Variants in MTHFD1 observed in about 807,000 individuals in gnomAD.
MTHFD1 encodes methylenetetrahydrofolate dehydrogenase, cyclohydrolase and formyltetrahydrofolate synthetase 1.
MTHFD1 carries 44 observed loss-of-function variants against 110.3 expected under a neutral mutation model. The observed-to-expected ratio is 0.40, with a 90% CI of 0.31 to 0.51. MTHFD1 has a LOEUF of 0.51. MTHFD1 is among the 20% of genes least tolerant of loss of function. The pLI is 0.60. For missense variants in MTHFD1, 909 were observed against 1,173.1 expected (o/e 0.77, Z 3.29); for synonymous variants, 402 against 428.8 (o/e 0.94, Z 0.77).
chr14:64,398,394 A>C (rs940381917), intron 1 of MTHFD1, among the ~76,000 whole-genome samples: 1 of 152,034 alleles, frequency 6.6e-6, no homozygotes, highest in African/African-American at 2.4e-5. Flanking sequence ...AAAAATACAA[A>C]AATTAGCTGA....
intron 1 of MTHFD1, among the ~76,000 whole-genome samples, chr14:64,399,714 A>G (rs1331700237): frequency 1.3e-5 from 2 of 151,762 alleles, no homozygotes; most frequent in Non-Finnish European, 2.9e-5. Flanking sequence ...TGAGGCCTGG[A>G]AAATTGTTGG....
chr14:64,388,703 G>C, intron 1 of MTHFD1: 2 of 597,646 alleles, frequency 3.3e-6, no homozygotes, highest in Non-Finnish European at 6.0e-6. Context: ...GTCCTGTGCC[G>C]ACTATGCTCC....
In MTHFD1 at chr14:64,441,432, C is replaced by A; in HGVS notation, c.1863C>A (p.Pro621=). The part of the protein sequence containing the change: ...LTVLMKDAIK[P]NLMQTLEGTP... ...TGCTTATGAAGGACGCAATCAAGCCCAATCTCATGCAGACACTGGAGGTGA... is the reference window on the plus strand; with the variant it reads ...TGCTTATGAAGGACGCAATCAAGCCAAATCTCATGCAGACACTGGAGGTGA... The change falls in exon 19 of 28, where the codon CCC becomes CCA. Residue 621 remains proline, a synonymous_variant. Coordinates refer to ENST00000652337, the MANE Select transcript of MTHFD1 (RefSeq NM_005956.4). 1 of 1,614,034 alleles carries A rather than the reference C, an allele frequency of 6.2e-7. No individual in the cohort carries two copies. The highest frequency in any genetic ancestry group is 8.5e-7 in the Non-Finnish European group (1 of 1,179,958).
Position 64,419,979 on chromosome 14 carries a change from G to A in MTHFD1, c.727+54G>A, listed in dbSNP as rs542498632. ...TGCTGGTATTGAGGATGGTATCTAG[G>A]TCATCAAAAGAAGCCTGAGAGAGAA... is the stretch of plus-strand genomic sequence containing the variant. On this transcript the variant is annotated intron_variant, in intron 8 of 27. Transcript: ENST00000652337. The A allele has an allele frequency of 2.9e-4, 352 of 1,226,096 alleles. 3 individuals are homozygous for A. In the South Asian group the frequency reaches 3.8e-3, roughly 13 times the overall value. 76.0% of individuals were successfully genotyped at this position (1,226,096 alleles called of 1,614,324 possible).
chr14:64,443,635 C>T (rs984387018), intron 21 of MTHFD1, among the ~76,000 whole-genome samples: 1 of 152,174 alleles, frequency 6.6e-6, no homozygotes, highest in African/African-American at 2.4e-5. Context: ...TCTTAGTTAT[C>T]CCTGAGTGCC....
At position 64,388,551 on chromosome 14, in the gene MTHFD1, CG is replaced by C. The variant is rs776559176; in HGVS notation, c.41+86del. The C allele has an allele frequency of 3.5e-5, 44 of 1,268,294 alleles. No individual in the cohort carries two copies. In the East Asian group the frequency reaches 6.7e-4, roughly 19 times the overall value. 78.6% of individuals were successfully genotyped at this position (1,268,294 alleles called of 1,614,324 possible). A position where few individuals can be genotyped will look rare whatever the true frequency, so the allele number is the denominator to read the frequency against. On this transcript the variant is annotated intron_variant, in intron 1 of 27. Coordinates refer to ENST00000652337, the MANE Select transcript of MTHFD1 (RefSeq NM_005956.4). ...GCAGGTCCCCCGGACCCATTTTTTG[CG>C]GGAGGGACACTTGTAGCGGAAGAGT...
chr14:64,420,622 A>C (rs2078061416), intron 8 of MTHFD1, among the ~76,000 whole-genome samples: 1 of 152,100 alleles, frequency 6.6e-6, no homozygotes, highest in African/African-American at 2.4e-5. Flanking sequence ...GGGCTGTGAT[A>C]ACTTCCTTGC....
At chr14:64,411,196 G>T in intron 3 of MTHFD1, 47 bp downstream of exon 3, 1 of 1,480,320 alleles carries the variant, frequency 6.8e-7, no homozygotes, top group Admixed American at 1.7e-5. Flanking sequence ...CCTCCACCTG[G>T]GTCCTATCGA....
Position 64,431,600 on chromosome 14 carries a change from TG to T in MTHFD1, c.1381del (p.Asp461MetfsTer8). 6.2e-7 allele frequency: 1 copy of T among 1,614,214 alleles called. No individual in the cohort carries two copies. Among genetic ancestry groups the T allele is most frequent in the Non-Finnish European group, 8.5e-7 (1 of 1,180,042 alleles). On this transcript the variant is annotated frameshift_variant, in exon 14 of 28. Coordinates refer to ENST00000652337, the MANE Select transcript of MTHFD1 (RefSeq NM_005956.4). LOFTEE classifies it high-confidence loss of function. ...CTAATAACCTCGTTGCTGCGGCCAT[TG>T]ATGCTCGGATATTTCATGAACTGAC... is the stretch of plus-strand genomic sequence containing the variant. Reference protein sequence around the residue: ...AANNLVAAAIDARIFHELTQT... With the variant: ...AANNLVAAAIXARIFHELTQT...
chr14:64,400,521 A>T (rs1199970337), intron 1 of MTHFD1, among the ~76,000 whole-genome samples: 1 of 152,008 alleles, frequency 6.6e-6, no homozygotes, highest in Non-Finnish European at 1.5e-5. Flanking sequence ...ACCCATCTCT[A>T]CCAAAAGTAC....
chr14:64,423,621 C>T (rs1283874245), intron 8 of MTHFD1, among the ~76,000 whole-genome samples: 1 of 151,614 alleles, frequency 6.6e-6, no homozygotes, highest in Non-Finnish European at 1.5e-5. Flanking sequence ...GTCTCGGACT[C>T]CTGACCTCAG....
intron 13 of MTHFD1, 32 bp downstream of exon 13, chr14:64,430,262 TC>T: frequency 6.2e-7 from 1 of 1,606,216 alleles, no homozygotes; most frequent in Non-Finnish European, 8.5e-7. Flanking sequence ...CTGAATTAGA[TC>T]CCCCTTTTTT....
chr14:64,418,121 C>T, intron 7 of MTHFD1, 97 bp downstream of exon 7: 1 of 1,447,612 alleles, frequency 6.9e-7, no homozygotes, highest in Middle Eastern at 1.7e-4. Flanking sequence ...CATTTAACCC[C>T]ATCATCTCAT....
intron 22 of MTHFD1, among the ~76,000 whole-genome samples, chr14:64,445,643 C>T (rs2140978300): frequency 6.6e-6 from 1 of 152,276 alleles, no homozygotes; most frequent in South Asian, 2.1e-4. Flanking sequence ...CTGGTACCTT[C>T]AGTCTGCCTG....
intron 7 of MTHFD1, among the ~76,000 whole-genome samples, chr14:64,418,376 A>G (rs950308950): frequency 1.3e-5 from 2 of 150,732 alleles, no homozygotes; most frequent in African/African-American, 4.9e-5. Context: ...GCTTGAGCCC[A>G]GGAGGTCGAG....
rs746327266 is a variant in MTHFD1 at position 64,431,594 on chromosome 14, G to A, written c.1374G>A (p.Ala458=). 5.0e-6 allele frequency: 8 copies of A among 1,614,096 alleles called. No homozygotes were observed. In the East Asian group the frequency reaches 6.7e-5, roughly 13 times the overall value. ...AITAANNLVA[A]AIDARIFHEL... ...CTGCAGCTAATAACCTCGTTGCTGCGGCCATTGATGCTCGGATATTTCATG... is the reference window on the plus strand; with the variant it reads ...CTGCAGCTAATAACCTCGTTGCTGCAGCCATTGATGCTCGGATATTTCATG... The change falls in exon 14 of 28, where the codon GCG becomes GCA. Residue 458 remains alanine, a synonymous_variant. Transcript: ENST00000652337.
chr14:64,427,382 C>G lies in MTHFD1; in HGVS notation c.1173C>G (p.Ile391Met), dbSNP rs774179678. The change falls in exon 12 of 28, where the codon ATC (isoleucine) becomes ATG (methionine). Residue 391 changes from isoleucine (I) to methionine (M), a missense_variant. Ile to Met is a conservative substitution (Grantham distance 10, BLOSUM62 1). Coordinates refer to ENST00000652337, the MANE Select transcript of MTHFD1 (RefSeq NM_005956.4). ...PLGEGKSTTTIGLVQALGAHL... is the reference protein window; with the variant it reads ...PLGEGKSTTTMGLVQALGAHL... ...GAGAAGGGAAAAGCACAACTACAAT[C>G]GGGCTAGTGCAAGCCCTTGGTGCCC... 5.0e-6 allele frequency: 8 copies of G among 1,614,162 alleles called. No individual in the cohort carries two copies. The South Asian group carries it at 8.8e-5, about 18-fold the overall frequency.
At position 64,435,801 on chromosome 14, in the gene MTHFD1, G is replaced by A. The variant is rs574982068; in HGVS notation, c.1597+130G>A. 3 of 706,688 alleles carry A rather than the reference G, an allele frequency of 4.2e-6. No individual in the cohort carries two copies. The African/African-American group carries it at 5.3e-5, about 12-fold the overall frequency. 43.8% of individuals were successfully genotyped at this position (706,688 alleles called of 1,614,324 possible). A position where few individuals can be genotyped will look rare whatever the true frequency, so the allele number is the denominator to read the frequency against. On this transcript the variant is annotated intron_variant, in intron 16 of 27. Coordinates refer to ENST00000652337, the MANE Select transcript of MTHFD1 (RefSeq NM_005956.4). ...ATTTTACCAGCTAAGGCATGACCAA[G>A]ATGGTGACATTATTTCTTTTTCTTG...
intron 1 of MTHFD1, among the ~76,000 whole-genome samples, chr14:64,393,548 A>T (rs1433916313): frequency 6.6e-6 from 1 of 152,142 alleles, no homozygotes; most frequent in African/African-American, 2.4e-5. Flanking sequence ...AGAGGCTGGG[A>T]CCTTCAGCTA....
Sources: gnomAD v4.1 joint callset for allele counts (sites outside exome capture counted in the v4.1 genomes callset) on GRCh38, gnomAD v4.1.1 for gene constraint, MANE v1.5 for transcripts, NCBI Gene and HGNC (gene_info 2026-07-23, HGNC 2026-07-21) for gene names.